The following SNX33 variants were observed in gnomAD, a reference collection of about 807,000 sequenced individuals.
SNX33 encodes the protein sorting nexin 33, also known as sorting nexin-33.
In SNX33, 19 loss-of-function variants were observed where a neutral mutation model predicts 38.8. The ratio of observed to expected loss-of-function variants is 0.49; its 90% CI spans 0.34 to 0.72. The LOEUF is 0.72. SNX33 is among the 30% of genes least tolerant of loss of function. SNX33 has a pLI of 0.01. For missense variants in SNX33, 641 were observed against 776.4 expected (o/e 0.83, Z 2.07); for synonymous variants, 246 against 289.7 (o/e 0.85, Z 1.53).
rs1893535900 is a variant in SNX33, at chr15:75,649,169, C to T, written c.67C>T (p.Gln23Ter). The change falls in exon 1 of 2, where the codon CAG (glutamine) becomes TAG (stop). Residue 23 changes from glutamine to a stop codon, truncating the protein, a stop_gained. Coordinates refer to ENST00000308527, the MANE Select transcript of SNX33 (RefSeq NM_153271.2). LOFTEE classifies it high-confidence loss of function. This position sits in a 1 kb window ranked among gnomAD's most constrained non-coding sequence, Gnocchi z 6.6. The part of the protein sequence containing the change: ...SENKEEISIQ[Q>*]DEDLVIFSET... ...GAACAAGGAGGAAATCAGCATCCAG[C>T]AGGATGAGGACCTGGTCATCTTTAG... 6.2e-7 allele frequency: 1 copy of T among 1,613,532 alleles called. No homozygotes were observed. Among genetic ancestry groups the T allele is most frequent in the African/African-American group, 1.3e-5 (1 of 74,904 alleles).
chr15:75,652,716 G>A (rs2141398087), intron 1 of SNX33, among the ~76,000 whole-genome samples: 1 of 152,310 alleles, frequency 6.6e-6, no homozygotes, highest in East Asian at 1.9e-4. Context: ...CCCTCCCAAT[G>A]GGCCAAGCCC....
rs1399850401 is a variant in SNX33, at chr15:75,650,844, T to C, written c.1471+271T>C. 1.3e-5 allele frequency among the ~76,000 whole-genome samples: 2 copies of C among 152,082 alleles called. No individual in the cohort carries two copies. Among genetic ancestry groups the C allele is most frequent in the Non-Finnish European group, 2.9e-5 (2 of 68,026 alleles). ...CTGCACTCCAGCCTGGGTGACAGAG[T>C]GAGACCCTGTCTCTAAAACAAACAA... On this transcript the variant is annotated intron_variant, in intron 1 of 1. Coordinates refer to ENST00000308527, the MANE Select transcript of SNX33 (RefSeq NM_153271.2). The surrounding 1 kb of genome is among the most constrained non-coding windows in gnomAD (Gnocchi z 6.1).
At chr15:75,653,131 C>G (rs1482970813) in intron 1 of SNX33, among the ~76,000 whole-genome samples, 1 of 152,110 alleles carries the variant, frequency 6.6e-6, no homozygotes, top group Non-Finnish European at 1.5e-5. Context: ...CTTAGGAGGG[C>G]TCCATGTCAT....
At position 75,657,278 on chromosome 15, in the gene SNX33, C is replaced by T. The variant is rs1259218377; in HGVS notation, c.*63C>T. ...GTCACTGCAGTGTACCCCACTTTCC[C>T]GACCTCCCTATACCAGCAGTGACTG... On this transcript the variant is annotated 3_prime_UTR_variant, in exon 2 of 2. Coordinates refer to ENST00000308527, the MANE Select transcript of SNX33 (RefSeq NM_153271.2). This position sits in a 1 kb window ranked among gnomAD's most constrained non-coding sequence, Gnocchi z 5.5. 34 of 1,597,444 alleles carry T rather than the reference C, an allele frequency of 2.1e-5. No homozygotes were observed. Among genetic ancestry groups the T allele is most frequent in the Middle Eastern group, 1.7e-4 (1 of 6,024 alleles).
rs1893687798 is a variant in SNX33, at chr15:75,658,806, G to A, written c.*1591G>A. On this transcript the variant is annotated 3_prime_UTR_variant, in exon 2 of 2. Transcript: ENST00000308527. This position sits in a 1 kb window ranked among gnomAD's most constrained non-coding sequence, Gnocchi z 4.1. ...GCTATGCTGGTGGAAGGTGCCAGCA[G>A]GCAGGAGGAGCTAGAGGCGGCTGTG... is the stretch of plus-strand genomic sequence containing the variant. 3 of 152,226 alleles carry A rather than the reference G, an allele frequency of 2.0e-5. No homozygotes were observed. The highest frequency in any genetic ancestry group is 2.0e-4 in the Admixed American group (3 of 15,288). The allele number at this position is 152,226 out of a possible 1,614,324, so 9.4% of individuals were successfully genotyped here. A position where few individuals can be genotyped will look rare whatever the true frequency, so the allele number is the denominator to read the frequency against.
Position 75,650,074 on chromosome 15 carries a change from C to T in SNX33, c.972C>T (p.Ser324=), listed in dbSNP as rs961121641. 24 of 1,613,928 alleles carry T rather than the reference C, an allele frequency of 1.5e-5. No homozygotes were observed. Among genetic ancestry groups the T allele is most frequent in the Non-Finnish European group, 1.2e-5 (14 of 1,179,976 alleles). Residue 324 remains serine (S), a synonymous_variant, in exon 1 of 2, where the codon TCC becomes TCT. Transcript: ENST00000308527. The surrounding 1 kb of genome is among the most constrained non-coding windows in gnomAD (Gnocchi z 6.1). The stretch of plus-strand genomic sequence containing the variant: ...ACATGACCAGCCACCCTGTGCTCTC[C>T]CAGTACGAAGGCTTCCAGCATTTCC... The part of the protein sequence containing the change: ...MDHMTSHPVL[S]QYEGFQHFLS...
rs753290847 is a variant in SNX33 at position 75,650,298 on chromosome 15, C to T, written c.1196C>T (p.Ala399Val). 1.3e-6 allele frequency: 2 copies of T among 1,592,700 alleles called. No homozygotes were observed. Among genetic ancestry groups the T allele is most frequent in the Non-Finnish European group, 1.7e-6 (2 of 1,167,654 alleles). ...AGCGTCCTGCAGCTCAGCACTGTGG[C>T]ATCAGAGCTGGTGCGTAAACATGTG... is the stretch of plus-strand genomic sequence containing the variant. The part of the protein sequence containing the change: ...DDSVLQLSTV[A>V]SELVRKHVGG... Residue 399 changes from alanine (A) to valine (V), a missense_variant, in exon 1 of 2, where the codon GCA (alanine) becomes GTA (valine). This residue lies in a region of SNX33 where 398 missense variants were observed against 542.5 expected (regional missense o/e 0.73). Transcript: ENST00000308527. The surrounding 1 kb of genome is among the most constrained non-coding windows in gnomAD (Gnocchi z 6.1).
At position 75,650,320 on chromosome 15, in the gene SNX33, T is replaced by C. The variant is rs1893562257; in HGVS notation, c.1218T>C (p.His406=). Reference sequence around the variant, plus strand: ...TGGCATCAGAGCTGGTGCGTAAACATGTGGGGGGCTTCCGCAAGGAATTCC... The same window carrying C: ...TGGCATCAGAGCTGGTGCGTAAACACGTGGGGGGCTTCCGCAAGGAATTCC... ...STVASELVRK[H]VGGFRKEFQK... Residue 406 remains histidine, a synonymous_variant, in exon 1 of 2, where the codon CAT becomes CAC. Transcript: ENST00000308527. This position sits in a 1 kb window ranked among gnomAD's most constrained non-coding sequence, Gnocchi z 6.1. 1.9e-6 allele frequency: 3 copies of C among 1,597,756 alleles called. No homozygotes were observed. Among genetic ancestry groups the C allele is most frequent in the South Asian group, 1.1e-5 (1 of 88,284 alleles).
chr15:75,649,090 ACCCAG>A lies in SNX33; in HGVS notation c.-5_-1del. ...CCTCTCCTTCCCATCTTTCTATACCACCCAGCCCAGCCATGGCACTGAAAGGCCGA... is the reference window on the plus strand; with the variant it reads ...CCTCTCCTTCCCATCTTTCTATACCACCCAGCCATGGCACTGAAAGGCCGA... On this transcript the variant is annotated 5_prime_UTR_variant, in exon 1 of 2. Coordinates refer to ENST00000308527, the MANE Select transcript of SNX33 (RefSeq NM_153271.2). The surrounding 1 kb of genome is among the most constrained non-coding windows in gnomAD (Gnocchi z 6.6). 2 of 1,572,626 alleles carry A rather than the reference ACCCAG, an allele frequency of 1.3e-6. No individual in the cohort carries two copies. Among genetic ancestry groups the A allele is most frequent in the Non-Finnish European group, 1.7e-6 (2 of 1,155,700 alleles).
rs1893518995 is a variant in SNX33 at position 75,648,044 on chromosome 15, G to A, written c.-1059G>A. ...GGGCGGAGAGGAGGACGGACGGACA[G>A]ACGGCTGGCCGCGCCATCTGCTCGC... On this transcript the variant is annotated 5_prime_UTR_variant, in exon 1 of 2. Transcript: ENST00000308527. The surrounding 1 kb of genome is among the most constrained non-coding windows in gnomAD (Gnocchi z 4.4). 6 of 985,494 alleles carry A rather than the reference G, an allele frequency of 6.1e-6. No homozygotes were observed. Among genetic ancestry groups the A allele is most frequent in the Non-Finnish European group, 7.2e-6 (6 of 829,962 alleles). The allele number at this position is 985,494 out of a possible 1,614,324, so 61.0% of individuals were successfully genotyped here.
rs1466650988 is a variant in SNX33 at position 75,647,956 on chromosome 15, T to C, written c.-1147T>C. On this transcript the variant is annotated 5_prime_UTR_variant, in exon 1 of 2. Transcript: ENST00000308527. ...GCCTTCTCGCTGGCGGAGCGGAGGG[T>C]CTGCGAGCGCCGGGGAAGGCAGGCT... The C allele has an allele frequency of 3.0e-6, 3 of 984,852 alleles. No homozygotes were observed. The African/African-American group carries it at 5.3e-5, about 17-fold the overall frequency. The allele number at this position is 984,852 out of a possible 1,614,324, so 61.0% of individuals were successfully genotyped here.
At chr15:75,653,011 G>C (rs975746339) in intron 1 of SNX33, among the ~76,000 whole-genome samples, 6 of 152,084 alleles carry the variant, frequency 3.9e-5, no homozygotes, top group Admixed American at 1.3e-4. Context: ...GGCCTAGGTG[G>C]GAGTCAGGAG....
rs748924668 is a variant in SNX33 at position 75,649,512 on chromosome 15, C to G, written c.410C>G (p.Thr137Ser). The G allele has an allele frequency of 6.3e-7, 1 of 1,575,304 alleles. No individual in the cohort carries two copies. Among genetic ancestry groups the G allele is most frequent in the South Asian group, 1.2e-5 (1 of 86,296 alleles). ...GAGCCACGGGCTGGTGGGCTGGGCA[C>G]CAACGGGCACCCTCCCCTCAACCTC... ...VEEPRAGGLG[T>S]NGHPPLNLSY... The change falls in exon 1 of 2, where the codon ACC (threonine) becomes AGC (serine). Residue 137 changes from threonine (T) to serine (S), a missense_variant. Coordinates refer to ENST00000308527, the MANE Select transcript of SNX33 (RefSeq NM_153271.2). The surrounding 1 kb of genome is among the most constrained non-coding windows in gnomAD (Gnocchi z 6.6).
At position 75,650,328 on chromosome 15, in the gene SNX33, G is replaced by C; in HGVS notation, c.1226G>C (p.Gly409Ala). ...ASELVRKHVG[G>A]FRKEFQKLGS... ...GAGCTGGTGCGTAAACATGTGGGGG[G>C]CTTCCGCAAGGAATTCCAGAAGCTG... The change falls in exon 1 of 2, where the codon GGC (glycine) becomes GCC (alanine). Residue 409 changes from glycine (G) to alanine (A), a missense_variant. Coordinates refer to ENST00000308527, the MANE Select transcript of SNX33 (RefSeq NM_153271.2). This position sits in a 1 kb window ranked among gnomAD's most constrained non-coding sequence, Gnocchi z 6.1. The C allele has an allele frequency of 6.3e-7, 1 of 1,598,004 alleles. No individual in the cohort carries two copies. Among genetic ancestry groups the C allele is most frequent in the South Asian group, 1.1e-5 (1 of 88,418 alleles).
Position 75,648,937 on chromosome 15 carries a change from G to A in SNX33, c.-166G>A. On this transcript the variant is annotated 5_prime_UTR_variant, in exon 1 of 2. Coordinates refer to ENST00000308527, the MANE Select transcript of SNX33 (RefSeq NM_153271.2). The surrounding 1 kb of genome is among the most constrained non-coding windows in gnomAD (Gnocchi z 4.4). ...CCATGGACATTGCTTTGAAGAGGGG[G>A]AGACTGGACAGCATCTGTGGGTGCT... The A allele has an allele frequency of 3.9e-6, 3 of 772,076 alleles. No individual in the cohort carries two copies. Among genetic ancestry groups the A allele is most frequent in the Non-Finnish European group, 5.8e-6 (3 of 513,972 alleles). The allele number at this position is 772,076 out of a possible 1,614,324, so 47.8% of individuals were successfully genotyped here. A position where few individuals can be genotyped will look rare whatever the true frequency, so the allele number is the denominator to read the frequency against.
rs747246404 is a variant in SNX33, at chr15:75,650,321, G to A, written c.1219G>A (p.Val407Met). 1.1e-5 allele frequency: 17 copies of A among 1,598,022 alleles called. No individual in the cohort carries two copies. The South Asian group carries it at 1.7e-4, about 16-fold the overall frequency. ...TVASELVRKH[V>M]GGFRKEFQKL... ...GGCATCAGAGCTGGTGCGTAAACAT[G>A]TGGGGGGCTTCCGCAAGGAATTCCA... Residue 407 changes from valine (V) to methionine (M), a missense_variant, in exon 1 of 2, where the codon GTG becomes ATG. By Grantham distance (21) the Val-to-Met change is conservative. This residue lies in a region of SNX33 where 398 missense variants were observed against 542.5 expected (regional missense o/e 0.73). Transcript: ENST00000308527. The surrounding 1 kb of genome is among the most constrained non-coding windows in gnomAD (Gnocchi z 6.1).
At position 75,647,931 on chromosome 15, in the gene SNX33, G is replaced by T. The variant is rs975629609; in HGVS notation, c.-1172G>T. On this transcript the variant is annotated 5_prime_UTR_variant, in exon 1 of 2. Coordinates refer to ENST00000308527, the MANE Select transcript of SNX33 (RefSeq NM_153271.2). ...GGAATCGCCTTTTTGTTTTGGAGCT[G>T]CCTTCTCGCTGGCGGAGCGGAGGGT... 7.1e-6 allele frequency: 7 copies of T among 985,320 alleles called. No individual in the cohort carries two copies. The South Asian group carries it at 2.3e-4, about 33-fold the overall frequency. 61.0% of individuals were successfully genotyped at this position (985,320 alleles called of 1,614,324 possible).
intron 1 of SNX33, among the ~76,000 whole-genome samples, chr15:75,653,746 G>C (rs963275995): frequency 6.6e-6 from 1 of 152,198 alleles, no homozygotes; most frequent in Non-Finnish European, 1.5e-5. Context: ...CCAAGGCAAA[G>C]TGGCGACTGT....
At position 75,662,281 on chromosome 15, in the gene SNX33, A is replaced by T. The variant is rs1893732181; in HGVS notation, c.*5066A>T. The T allele has an allele frequency of 6.6e-6, 1 of 152,190 alleles. No individual in the cohort carries two copies. Among genetic ancestry groups the T allele is most frequent in the Admixed American group, 6.5e-5 (1 of 15,276 alleles). 9.4% of individuals were successfully genotyped at this position (152,190 alleles called of 1,614,324 possible). A position where few individuals can be genotyped will look rare whatever the true frequency, so the allele number is the denominator to read the frequency against. ...TTGTGTCCTGTCTTGTAGATACTTA[A>T]TTAAACGGTATTAATTTTGATTTTG... On this transcript the variant is annotated 3_prime_UTR_variant, in exon 2 of 2. Coordinates refer to ENST00000308527, the MANE Select transcript of SNX33 (RefSeq NM_153271.2).
Sources: gnomAD v4.1 joint callset for allele counts (sites outside exome capture counted in the v4.1 genomes callset) on GRCh38, gnomAD v4.1.1 for gene constraint, gnomAD v4.1.1 regional missense constraint, Gnocchi (gnomAD v3.1) non-coding constraint, MANE v1.5 for transcripts, NCBI Gene and HGNC (gene_info 2026-07-23, HGNC 2026-07-21) for gene names.